KIAA1671: variants seen among roughly 807,000 people sequenced by gnomAD.
KIAA1671 encodes KIAA1671.
KIAA1671 carries 52 observed loss-of-function variants against 131.2 expected under a neutral mutation model. The observed-to-expected ratio is 0.40, with a 90% CI of 0.32 to 0.50. KIAA1671 has a LOEUF of 0.50. KIAA1671 is among the 20% of genes least tolerant of loss of function. The probability of loss-of-function intolerance (pLI) is 0.73; values close to 1 mark genes in which losing one functional copy is unlikely to be tolerated. For synonymous variants in KIAA1671, 1,003 were observed against 961.6 expected (o/e 1.04, Z -0.80); for missense variants, 2,360 against 2,364.2 (o/e 1.00, Z 0.04).
At chr22:24,959,194 AAAAATT>A (rs1038493315) in intron 1 of KIAA1671, among the ~76,000 whole-genome samples, 92 of 151,792 alleles carry the variant, frequency 6.1e-4, no homozygotes, top group African/African-American at 2.0e-3. Flanking sequence ...TAAAAATTTA[AAAAATT>A]AAAATTAAAA....
At chr22:25,049,191 G>C (rs1425996166) in intron 5 of KIAA1671, 39 bp from the exon 6 acceptor site, 39 of 1,532,228 alleles carry the variant, frequency 2.5e-5, no homozygotes, top group Non-Finnish European at 3.4e-5. Flanking sequence ...AAATGAGAAG[G>C]CTCCCAGTAA....
At position 25,179,315 on chromosome 22, in the gene KIAA1671, C is replaced by T. The variant is rs573169300; in HGVS notation, c.5074+1793C>T. 2.5e-6 allele frequency: 4 copies of T among 1,583,868 alleles called. No individual in the cohort carries two copies. The African/African-American group carries it at 4.0e-5, about 16-fold the overall frequency. ...CGCCGCCCGTCCCGGGCCCTTAGCC[C>T]GACATCTCCTCTCGCTGCTCCTTGT... is the stretch of plus-strand genomic sequence containing the variant. On this transcript the variant is annotated intron_variant, in intron 9 of 12. Transcript: ENST00000358431.
intron 6 of KIAA1671, among the ~76,000 whole-genome samples, chr22:25,069,250 A>G (rs1928676535): frequency 6.6e-6 from 1 of 152,182 alleles, no homozygotes; most frequent in African/African-American, 2.4e-5. Flanking sequence ...TGAATCCTCA[A>G]AGCCCTGAAC....
intron 6 of KIAA1671, among the ~76,000 whole-genome samples, chr22:25,139,787 A>G (rs1448832963): frequency 1.3e-5 from 2 of 152,218 alleles, no homozygotes; most frequent in East Asian, 3.8e-4. Context: ...CATAGAAGAA[A>G]TGAAAGAAAT....
At chr22:25,065,856 G>A (rs1418778687) in intron 6 of KIAA1671, among the ~76,000 whole-genome samples, 1 of 152,036 alleles carries the variant, frequency 6.6e-6, no homozygotes, top group South Asian at 2.1e-4. Context: ...GTCCAGGTTG[G>A]TCTTGAACTC....
At position 25,191,218 on chromosome 22, in the gene KIAA1671, G is replaced by A. The variant is rs532332874; in HGVS notation, c.*4+434G>A. ...GGCTGGAGTGCAATGATGCAATCTCGGATCTTGGCTCATTGCGGCCTCTGC... is the reference window on the plus strand; with the variant it reads ...GGCTGGAGTGCAATGATGCAATCTCAGATCTTGGCTCATTGCGGCCTCTGC... On this transcript the variant is annotated intron_variant, in intron 12 of 12. Transcript: ENST00000358431. Among the ~76,000 whole-genome samples the A allele has an allele frequency of 2.0e-5, 3 of 148,500 alleles. No homozygotes were observed. In the South Asian group the frequency reaches 6.3e-4, roughly 31 times the overall value.
chr22:25,055,056 G>A (rs1927764586), intron 6 of KIAA1671: 1 of 149,808 alleles, frequency 6.7e-6, no homozygotes, highest in East Asian at 2.0e-4. Context: ...TGGTGAAACT[G>A]TGGCCCTTTG....
intron 6 of KIAA1671, among the ~76,000 whole-genome samples, chr22:25,068,745 CTTAT>C (rs1257812261): frequency 6.6e-6 from 1 of 152,196 alleles, no homozygotes; most frequent in East Asian, 1.9e-4. Context: ...CCACCCTCTC[CTTAT>C]TTAAGTGAGT....
chr22:25,190,976 A>G (rs1018401357), intron 12 of KIAA1671, among the ~76,000 whole-genome samples, 192 bp downstream of exon 12: 2 of 152,022 alleles, frequency 1.3e-5, no homozygotes, highest in Admixed American at 6.6e-5. Context: ...CCATTTAGGG[A>G]GAAAACAAAG....
rs145840555 is a variant in KIAA1671, at chr22:25,104,040, G to A, written c.4530+54676G>A. The stretch of plus-strand genomic sequence containing the variant: ...GTTGCCCAGGCTGGAGTGCAGTGGC[G>A]CAATCTTGGCTCACTGCAACCTCGG... On this transcript the variant is annotated intron_variant, in intron 6 of 12. Transcript: ENST00000358431. Among the ~76,000 whole-genome samples the A allele has an allele frequency of 4.4e-3, 666 of 152,124 alleles. 8 individuals are homozygous for A. The highest frequency in any genetic ancestry group is 0.015 in the African/African-American group (625 of 41,488).
chr22:25,190,901 T>C, intron 12 of KIAA1671, 117 bp downstream of exon 12: 2 of 623,438 alleles, frequency 3.2e-6, no homozygotes, highest in Non-Finnish European at 2.8e-6. Context: ...AGAGGCTGTG[T>C]AAGGGGAAGA....
At chr22:25,069,711 A>G (rs1454674768) in intron 6 of KIAA1671, among the ~76,000 whole-genome samples, 3 of 152,224 alleles carry the variant, frequency 2.0e-5, no homozygotes, top group Non-Finnish European at 4.4e-5. Context: ...TTTAAAAGGA[A>G]CATGACTGAC....
At chr22:25,111,646 G>T (rs946622495) in intron 6 of KIAA1671, among the ~76,000 whole-genome samples, 3 of 152,180 alleles carry the variant, frequency 2.0e-5, no homozygotes, top group Non-Finnish European at 4.4e-5. Context: ...GAGGGCAGCC[G>T]GGCAGGGGGC....
chr22:25,112,345 C>T (rs909189744), intron 6 of KIAA1671: 3 of 399,096 alleles, frequency 7.5e-6, no homozygotes, highest in East Asian at 7.1e-5. Flanking sequence ...AGCGTACTTC[C>T]TCCTTCCGAC....
intron 1 of KIAA1671, among the ~76,000 whole-genome samples, chr22:25,017,469 A>G (rs1251754212): frequency 1.3e-5 from 2 of 152,182 alleles, no homozygotes; most frequent in Non-Finnish European, 2.9e-5. Context: ...CAGGTCTTAC[A>G]GGGAGTTACT....
chr22:24,967,807 A>C (rs1180956371), intron 1 of KIAA1671, among the ~76,000 whole-genome samples: 1 of 152,162 alleles, frequency 6.6e-6, no homozygotes, highest in Non-Finnish European at 1.5e-5. Context: ...CCTGGCTAAC[A>C]CGGTGAAACC....
At chr22:25,135,803 C>T (rs922529746) in intron 6 of KIAA1671, among the ~76,000 whole-genome samples, 8 of 152,368 alleles carry the variant, frequency 5.3e-5, no homozygotes, top group African/African-American at 1.9e-4. Flanking sequence ...CAAAGTCAGA[C>T]AGCAGCCACG....
chr22:25,088,398 C>T (rs949991005), intron 6 of KIAA1671, among the ~76,000 whole-genome samples: 2 of 152,128 alleles, frequency 1.3e-5, no homozygotes, highest in Non-Finnish European at 2.9e-5. Context: ...TGAGCCACCA[C>T]GCCTGGCCAA....
Position 25,028,484 on chromosome 22 carries a change from A to G in KIAA1671, c.485A>G (p.Glu162Gly). ...CCCGCTCTGGGGAAGGCGGTTAGTG[A>G]GGGGGCGGAGGAGGCCAAGCTAGGT... Reference protein sequence around the residue: ...SGPALGKAVSEGAEEAKLGVS... With the variant: ...SGPALGKAVSGGAEEAKLGVS... Residue 162 changes from glutamate (E) to glycine (G), a missense_variant, in exon 3 of 13, where the codon GAG (glutamate) becomes GGG (glycine). By Grantham distance (98) the Glu-to-Gly change is moderately conservative. Transcript: ENST00000358431. The G allele has an allele frequency of 1.3e-6, 2 of 1,549,544 alleles. No homozygotes were observed. Among genetic ancestry groups the G allele is most frequent in the Non-Finnish European group, 1.7e-6 (2 of 1,146,152 alleles).
Sources: gnomAD v4.1 joint callset for allele counts (sites outside exome capture counted in the v4.1 genomes callset) on GRCh38, gnomAD v4.1.1 for gene constraint, MANE v1.5 for transcripts, NCBI Gene and HGNC (gene_info 2026-07-23, HGNC 2026-07-21) for gene names.